Variants in FAM117A observed in about 807,000 individuals in gnomAD.
FAM117A encodes the protein family with sequence similarity 117 member A.
A neutral mutation model predicts 44.1 loss-of-function variants in FAM117A; 21 were observed. The observed-to-expected ratio is 0.48, with a 90% confidence interval of 0.34 to 0.69. The LOEUF is 0.69. Among genes scored for constraint, FAM117A ranks in the 30% least tolerant of loss-of-function variants. The pLI, the probability that FAM117A is intolerant of heterozygous loss-of-function variation, is 0.01. For missense variants in FAM117A, 498 were observed against 589.9 expected (o/e 0.84, Z 1.61); for synonymous variants, 220 against 238.3 (o/e 0.92, Z 0.71).
chr17:49,719,002 G>A (rs889157460), intron 5 of FAM117A, among the ~76,000 whole-genome samples: 24 of 150,354 alleles, frequency 1.6e-4, no homozygotes, highest in African/African-American at 4.9e-4. Flanking sequence ...GGTGGCTCAC[G>A]CCTGTAATCC....
intron 1 of FAM117A, among the ~76,000 whole-genome samples, chr17:49,756,992 C>T (rs1369793890): frequency 6.6e-6 from 1 of 151,984 alleles, no homozygotes; most frequent in Non-Finnish European, 1.5e-5. Context: ...AAATACCATC[C>T]ATCCTCTAAG....
At chr17:49,724,990 A>G (rs965694624) in intron 2 of FAM117A, among the ~76,000 whole-genome samples, 3 of 152,138 alleles carry the variant, frequency 2.0e-5, no homozygotes, top group Admixed American at 1.3e-4. Context: ...TGTGTAAACT[A>G]TACTACTAAG....
At chr17:49,786,324 C>A (rs888931676) in intron 1 of FAM117A, among the ~76,000 whole-genome samples, 1 of 152,162 alleles carries the variant, frequency 6.6e-6, no homozygotes, top group African/African-American at 2.4e-5. Flanking sequence ...GTGACGGATG[C>A]AAGTCAGGAT....
rs118050247 is a variant in FAM117A, at chr17:49,712,715, A to G, written c.1062-1160T>C. Among the ~76,000 whole-genome samples, 765 of 152,172 alleles carry G rather than the reference A, an allele frequency of 5.0e-3. 2 individuals are homozygous for G. The highest frequency in any genetic ancestry group is 8.2e-3 in the Non-Finnish European group (559 of 67,992). On this transcript the variant is annotated intron_variant, in intron 7 of 7. Coordinates refer to ENST00000240364, the MANE Select transcript of FAM117A (RefSeq NM_030802.4). ...TATTTTGTAGAGAAGGGGTCTCTGTATGCTACCCAGGCTGGCCTCCAGAAA... is the reference window on the plus strand; with the variant it reads ...TATTTTGTAGAGAAGGGGTCTCTGTGTGCTACCCAGGCTGGCCTCCAGAAA...
intron 1 of FAM117A, among the ~76,000 whole-genome samples, chr17:49,774,282 G>A (rs1343129581): frequency 6.6e-6 from 1 of 151,990 alleles, no homozygotes; most frequent in East Asian, 1.9e-4. Context: ...CGGAGTAGCT[G>A]GGACTACAGG....
chr17:49,776,303 T>C (rs2073775407), intron 1 of FAM117A, among the ~76,000 whole-genome samples: 1 of 152,134 alleles, frequency 6.6e-6, no homozygotes, highest in South Asian at 2.1e-4. Flanking sequence ...GATGGTTATA[T>C]AGCTAGAAGG....
chr17:49,751,483 G>C (rs1346724508), intron 1 of FAM117A, among the ~76,000 whole-genome samples: 1 of 152,048 alleles, frequency 6.6e-6, no homozygotes, highest in Non-Finnish European at 1.5e-5. Context: ...GGGAGGCTGA[G>C]GCAGGAGAAT....
At chr17:49,759,560 C>T (rs533063926) in intron 1 of FAM117A, among the ~76,000 whole-genome samples, 12 of 152,312 alleles carry the variant, frequency 7.9e-5, no homozygotes, top group African/African-American at 2.9e-4. Flanking sequence ...CAAGATGATG[C>T]CTTGGCATAG....
At chr17:49,723,501 T>C (rs1174098468) in intron 2 of FAM117A, among the ~76,000 whole-genome samples, 1 of 152,074 alleles carries the variant, frequency 6.6e-6, no homozygotes, top group African/African-American at 2.4e-5. Flanking sequence ...CTACTTCCAT[T>C]CCAAGGGAGG....
chr17:49,719,742 G>C lies in FAM117A; in HGVS notation c.708+18C>G, dbSNP rs755845613. ...AGGCACGGACTGTGGGTGCACTCAGGGTGCAGCCGCCACTCACCCTCAGCA... is the reference window on the plus strand; with the variant it reads ...AGGCACGGACTGTGGGTGCACTCAGCGTGCAGCCGCCACTCACCCTCAGCA... On this transcript the variant is annotated intron_variant, in intron 5 of 7. Coordinates refer to ENST00000240364, the MANE Select transcript of FAM117A (RefSeq NM_030802.4). The C allele has an allele frequency of 9.0e-6, 14 of 1,547,494 alleles. No individual in the cohort carries two copies. Among genetic ancestry groups the C allele is most frequent in the African/African-American group, 1.4e-5 (1 of 71,306 alleles).
intron 2 of FAM117A, among the ~76,000 whole-genome samples, chr17:49,726,583 A>G (rs577724854): frequency 1.3e-5 from 2 of 152,340 alleles, no homozygotes; most frequent in East Asian, 3.9e-4. Context: ...GGGAGTGCCC[A>G]GAGTGGGGAC....
At chr17:49,720,526 G>T in intron 3 of FAM117A, 90 bp from the exon 4 acceptor site, 4 of 933,502 alleles carry the variant, frequency 4.3e-6, no homozygotes, top group Non-Finnish European at 6.9e-6. Flanking sequence ...CCTGGCAGAG[G>T]CCCATGAAGA....
At chr17:49,757,932 C>T (rs767515099) in intron 1 of FAM117A, among the ~76,000 whole-genome samples, 9 of 152,188 alleles carry the variant, frequency 5.9e-5, no homozygotes, top group Non-Finnish European at 8.8e-5. Flanking sequence ...AGCTTACTAA[C>T]CCAAGAAGAG....
At chr17:49,733,527 G>C (rs1002806979) in intron 1 of FAM117A, among the ~76,000 whole-genome samples, 3 of 151,970 alleles carry the variant, frequency 2.0e-5, no homozygotes, top group Admixed American at 6.6e-5. Context: ...ACAAAAATTA[G>C]CCGGGCGTGG....
chr17:49,739,093 C>A (rs1441813726), intron 1 of FAM117A, among the ~76,000 whole-genome samples: 3 of 152,150 alleles, frequency 2.0e-5, no homozygotes, highest in African/African-American at 7.2e-5. Flanking sequence ...CAACGCCACC[C>A]AGCCTCACTG....
chr17:49,768,146 A>G (rs2073750684), upstream of FAM117A, among the ~76,000 whole-genome samples: 1 of 152,194 alleles, frequency 6.6e-6, no homozygotes, highest in Non-Finnish European at 1.5e-5. Flanking sequence ...TTCAAGTCTT[A>G]AAAGCTGCAA....
chr17:49,766,397 T>C (rs1026323045), upstream of FAM117A, among the ~76,000 whole-genome samples: 4 of 152,256 alleles, frequency 2.6e-5, no homozygotes. Context: ...GCAGAAAATG[T>C]AGATATTATT....
intron 2 of FAM117A, among the ~76,000 whole-genome samples, chr17:49,724,693 C>T (rs930495760): frequency 2.6e-5 from 4 of 151,534 alleles, no homozygotes; most frequent in African/African-American, 7.3e-5. Flanking sequence ...ATTAACTGGG[C>T]GCCTGTAATC....
rs183873093 is a variant in FAM117A at position 49,758,159 on chromosome 17, G to A, written c.196+5733C>T. On this transcript the variant is annotated intron_variant, in intron 1 of 7. Coordinates refer to ENST00000240364, the MANE Select transcript of FAM117A (RefSeq NM_030802.4). ...GCCTGGCCAACATGGTGAAACCCCC[G>A]TCTCTAATAAAAATACAAAAAAATT... is the stretch of plus-strand genomic sequence containing the variant. Among the ~76,000 whole-genome samples, 749 of 150,680 alleles carry A rather than the reference G, an allele frequency of 5.0e-3. 7 individuals carry two copies. Among genetic ancestry groups the A allele is most frequent in the African/African-American group, 0.017 (697 of 41,016 alleles).
Sources: allele counts gnomAD v4.1 joint callset (sites outside exome capture counted in the v4.1 genomes callset), GRCh38; gene constraint gnomAD v4.1.1; transcripts MANE v1.5; gene names NCBI Gene and HGNC (gene_info 2026-07-23, HGNC 2026-07-21).